The following UNC5C variants were observed in gnomAD, a reference collection of about 807,000 sequenced individuals.
The protein encoded by UNC5C is unc-5 netrin receptor C.
In UNC5C, 47 loss-of-function variants were observed where a neutral mutation model predicts 99.8. That is an observed-to-expected ratio of 0.47 (90% CI 0.37 to 0.60). UNC5C has a LOEUF of 0.60. UNC5C is among the 20% of genes least tolerant of loss of function. The pLI is 0.00. For missense variants in UNC5C, 1,062 were observed against 1,165.9 expected (o/e 0.91, Z 1.30); for synonymous variants, 487 against 452.2 (o/e 1.08, Z -0.98).
intron 2 of UNC5C, among the ~76,000 whole-genome samples, chr4:95,322,708 G>A (rs1742734309): frequency 6.6e-6 from 1 of 152,016 alleles, no homozygotes; most frequent in Admixed American, 6.6e-5. Flanking sequence ...GGAGTCTGAG[G>A]CAGGTGGATC....
At chr4:95,191,692 C>A (rs1007428387) in intron 12 of UNC5C, among the ~76,000 whole-genome samples, 3 of 150,756 alleles carry the variant, frequency 2.0e-5, no homozygotes, top group African/African-American at 7.3e-5. Flanking sequence ...CCCCAATCAC[C>A]TCCTCCCCTG....
Position 95,163,837 on chromosome 4 carries a change from G to T in UNC5C, c.*5397C>A, listed in dbSNP as rs557283349. 1 of 152,260 alleles carries T rather than the reference G, an allele frequency of 6.6e-6. No homozygotes were observed. The highest frequency in any genetic ancestry group is 1.5e-5 in the Non-Finnish European group (1 of 68,032). 9.4% of individuals were successfully genotyped at this position (152,260 alleles called of 1,614,324 possible). ...GGGATTCCAGAAGATCTCTGGACAG[G>T]TCCCTTCAGTAGGCAAGCGTCTGAG... On this transcript the variant is annotated 3_prime_UTR_variant, in exon 16 of 16. Transcript: ENST00000453304.
intron 4 of UNC5C, among the ~76,000 whole-genome samples, chr4:95,250,924 G>A (rs4699415): frequency 0.35 from 52,630 of 152,108 alleles, 9,484 homozygotes; most frequent in East Asian, 0.58. Flanking sequence ...TCAAATGTCA[G>A]TGAACCAGTT....
intron 3 of UNC5C, among the ~76,000 whole-genome samples, chr4:95,286,159 A>G (rs747935846): frequency 1.3e-5 from 2 of 152,230 alleles, no homozygotes; most frequent in Non-Finnish European, 2.9e-5. Flanking sequence ...AATAAATTTT[A>G]TTAGGCTATA....
chr4:95,493,406 CT>C (rs1721552498), intron 1 of UNC5C, among the ~76,000 whole-genome samples: 1 of 151,386 alleles, frequency 6.6e-6, no homozygotes, highest in Non-Finnish European at 1.5e-5. Context: ...CAGGAACAGA[CT>C]TTTAAACACT....
At chr4:95,284,150 G>A (rs1741153128) in intron 3 of UNC5C, among the ~76,000 whole-genome samples, 2 of 151,928 alleles carry the variant, frequency 1.3e-5, no homozygotes, top group South Asian at 4.2e-4. Flanking sequence ...ATATACTGTG[G>A]CTACAAATTA....
At chr4:95,198,462 A>C (rs1208226707) in intron 12 of UNC5C, among the ~76,000 whole-genome samples, 4 of 152,176 alleles carry the variant, frequency 2.6e-5, no homozygotes, top group African/African-American at 9.7e-5. Flanking sequence ...GTGAATAGAT[A>C]ATGTAAGATG....
At position 95,184,733 on chromosome 4, in the gene UNC5C, T is replaced by G. The variant is rs562937928; in HGVS notation, c.2286+314A>C. The stretch of plus-strand genomic sequence containing the variant: ...ATGTCCTTCTGTTTGTTTCTGTGAA[T>G]GCATTTCAAGCTGTTTTTACCCATT... On this transcript the variant is annotated intron_variant, in intron 13 of 15. Transcript: ENST00000453304. Among the ~76,000 whole-genome samples the G allele has an allele frequency of 3.9e-5, 6 of 152,320 alleles. No homozygotes were observed. In the South Asian group the frequency reaches 1.2e-3, roughly 32 times the overall value.
intron 4 of UNC5C, among the ~76,000 whole-genome samples, chr4:95,270,291 T>C (rs143332373): frequency 6.8e-4 from 104 of 152,330 alleles, no homozygotes; most frequent in African/African-American, 2.4e-3. Context: ...CAAGTATCCA[T>C]TCACTTCTGT....
intron 7 of UNC5C, among the ~76,000 whole-genome samples, chr4:95,238,071 C>T (rs559285590): frequency 1.2e-4 from 19 of 152,212 alleles, no homozygotes; most frequent in Admixed American, 3.3e-4. Context: ...TACATACCTA[C>T]ATACTCAACA....
rs114394256 is a variant in UNC5C at position 95,455,839 on chromosome 4, A to G, written c.124+92895T>C. ...ATAATTTGACTTCTCATGTATTTAG[A>G]CTACATCCACCATGTCCATAGGAGT... is the stretch of plus-strand genomic sequence containing the variant. On this transcript the variant is annotated intron_variant, in intron 1 of 15. Transcript: ENST00000453304. Among the ~76,000 whole-genome samples, 1,510 of 152,146 alleles carry G rather than the reference A, an allele frequency of 9.9e-3. 25 individuals carry two copies. The highest frequency in any genetic ancestry group is 0.034 in the African/African-American group (1,425 of 41,488).
intron 1 of UNC5C, among the ~76,000 whole-genome samples, chr4:95,519,234 C>T (rs1275115838): frequency 6.6e-6 from 1 of 151,972 alleles, no homozygotes; most frequent in Non-Finnish European, 1.5e-5. Flanking sequence ...CATCTGAGGC[C>T]CATTCAGCAA....
intron 1 of UNC5C, among the ~76,000 whole-genome samples, chr4:95,407,904 TAAG>T (rs1356790989): frequency 6.6e-6 from 1 of 152,140 alleles, no homozygotes; most frequent in Non-Finnish European, 1.5e-5. Context: ...CTAAAAATGT[TAAG>T]AATAATAGAA....
chr4:95,329,033 C>G (rs2621463), intron 2 of UNC5C, among the ~76,000 whole-genome samples: 111,013 of 152,134 alleles, frequency 0.73, 42,343 homozygotes, highest in East Asian at 1. Context: ...GAACTCTCCT[C>G]TCTCACCAGT....
At chr4:95,193,136 G>A (rs922842550) in intron 12 of UNC5C, among the ~76,000 whole-genome samples, 1 of 152,224 alleles carries the variant, frequency 6.6e-6, no homozygotes, top group Non-Finnish European at 1.5e-5. Flanking sequence ...TCTCCAGGCA[G>A]TCTTCATGTT....
intron 1 of UNC5C, among the ~76,000 whole-genome samples, chr4:95,449,980 G>A (rs1039795127): frequency 6.6e-6 from 1 of 152,150 alleles, no homozygotes; most frequent in Non-Finnish European, 1.5e-5. Context: ...TCTTGTTACT[G>A]TCAGCAGGGA....
chr4:95,298,910 A>T (rs1029400083), intron 3 of UNC5C, among the ~76,000 whole-genome samples: 1 of 152,226 alleles, frequency 6.6e-6, no homozygotes, highest in African/African-American at 2.4e-5. Flanking sequence ...ATGCTTCAGC[A>T]TGAAGAATAG....
At chr4:95,317,701 G>A (rs887412980) in intron 2 of UNC5C, among the ~76,000 whole-genome samples, 1 of 152,138 alleles carries the variant, frequency 6.6e-6, no homozygotes, top group Non-Finnish European at 1.5e-5. Context: ...GCAGCAGACT[G>A]GGGGAGGCCT....
At chr4:95,541,454 G>A (rs1722918130) in intron 1 of UNC5C, among the ~76,000 whole-genome samples, 1 of 152,074 alleles carries the variant, frequency 6.6e-6, no homozygotes, top group Non-Finnish European at 1.5e-5. Context: ...CTGCATTTAA[G>A]GAAGGACTGC....
Sources: allele counts gnomAD v4.1 joint callset (sites outside exome capture counted in the v4.1 genomes callset), GRCh38; gene constraint gnomAD v4.1.1; transcripts MANE v1.5; gene names NCBI Gene and HGNC (gene_info 2026-07-23, HGNC 2026-07-21).